The following ZNF385D variants were observed in gnomAD, a reference collection of about 807,000 sequenced individuals.
ZNF385D encodes zinc finger protein 385D, also known as zinc finger protein 659.
Under a neutral mutation model 35.8 loss-of-function variants are expected in ZNF385D, and 15 were observed. That is an observed-to-expected ratio of 0.42 (90% confidence interval 0.28 to 0.64). The LOEUF is 0.64. ZNF385D is among the 30% of genes least tolerant of loss of function. ZNF385D has a pLI of 0.23. For missense variants in ZNF385D, 474 were observed against 494.6 expected (o/e 0.96, Z 0.39); for synonymous variants, 212 against 186.8 (o/e 1.13, Z -1.10).
intron 2 of ZNF385D, among the ~76,000 whole-genome samples, chr3:22,314,600 G>A (rs894363196): frequency 2.3e-4 from 35 of 152,076 alleles, no homozygotes; most frequent in African/African-American, 3.6e-4. Context: ...ATTGTTTCAC[G>A]TAGGGTTGAG....
At chr3:21,785,417 T>A (rs3106458) in intron 3 of ZNF385D, among the ~76,000 whole-genome samples, 79,085 of 151,812 alleles carry the variant, frequency 0.52, 21,165 homozygotes, top group Middle Eastern at 0.6. Context: ...CACTTAAGAA[T>A]GTTCTCACCA....
At chr3:21,470,035 T>TA (rs1703786570) in intron 4 of ZNF385D, among the ~76,000 whole-genome samples, 1 of 152,244 alleles carries the variant, frequency 6.6e-6, no homozygotes, top group Non-Finnish European at 1.5e-5. Context: ...TAAGTATAGC[T>TA]ACTTTTCTCT....
At chr3:22,284,347 C>A (rs1358200926) in intron 2 of ZNF385D, among the ~76,000 whole-genome samples, 1 of 152,030 alleles carries the variant, frequency 6.6e-6, no homozygotes, top group Admixed American at 6.6e-5. Flanking sequence ...TGCCACCACA[C>A]CCGGCTATTC....
chr3:21,901,745 T>G (rs1699424423), intron 3 of ZNF385D, among the ~76,000 whole-genome samples: 1 of 152,144 alleles, frequency 6.6e-6, no homozygotes, highest in Admixed American at 6.6e-5. Flanking sequence ...AACAAGCAAC[T>G]TTGAAGAAAG....
chr3:21,988,877 C>T (rs1203912061), intron 3 of ZNF385D, among the ~76,000 whole-genome samples: 3 of 152,176 alleles, frequency 2.0e-5, no homozygotes, highest in Admixed American at 1.3e-4. Context: ...CGTGGTGCGC[C>T]GTTTTTTAAG....
chr3:21,852,516 G>A (rs1250491648), intron 3 of ZNF385D, among the ~76,000 whole-genome samples: 4 of 151,830 alleles, frequency 2.6e-5, no homozygotes, highest in African/African-American at 9.7e-5. Context: ...GGAACACGAT[G>A]AATATCATGC....
At chr3:22,180,011 A>G (rs1456140151) in intron 2 of ZNF385D, among the ~76,000 whole-genome samples, 5 of 152,226 alleles carry the variant, frequency 3.3e-5, no homozygotes, top group African/African-American at 7.2e-5. Flanking sequence ...GGTTTTTTGA[A>G]AAGATCAACA....
At chr3:22,269,571 A>G (rs1701069255) in intron 2 of ZNF385D, among the ~76,000 whole-genome samples, 1 of 152,010 alleles carries the variant, frequency 6.6e-6, no homozygotes, top group South Asian at 2.1e-4. Context: ...AGGAGAGAGC[A>G]CTGGCAGTTT....
At chr3:22,105,596 C>T (rs956211155) in intron 3 of ZNF385D, among the ~76,000 whole-genome samples, 1 of 152,042 alleles carries the variant, frequency 6.6e-6, no homozygotes, top group African/African-American at 2.4e-5. Context: ...TGGTGTAGAT[C>T]ACAGTTCAGG....
intron 2 of ZNF385D, among the ~76,000 whole-genome samples, chr3:22,223,603 TAATA>T (rs1698388140): frequency 1.3e-5 from 2 of 152,140 alleles, no homozygotes; most frequent in South Asian, 2.1e-4. Context: ...TATTTAACAA[TAATA>T]AATAGTGTTA....
rs147960771 is a variant in ZNF385D at position 21,820,584 on chromosome 3, A to G, written c.326-155556T>C. Among the ~76,000 whole-genome samples, 677 of 151,862 alleles carry G rather than the reference A, an allele frequency of 4.5e-3. 5 individuals are homozygous for G. The highest frequency in any genetic ancestry group is 0.016 in the African/African-American group (653 of 41,576). On this transcript the variant is annotated intron_variant, in intron 3 of 5. Coordinates refer to the ZNF385D transcript ENST00000494108. ...TATGAATAGAAAAATAGAATAAATC[A>G]AAATGTTCCAAACTAGGCATAATAA...
At chr3:22,067,465 A>G (rs4508805) in intron 3 of ZNF385D, among the ~76,000 whole-genome samples, 14,874 of 152,230 alleles carry the variant, frequency 0.098, 910 homozygotes, top group African/African-American at 0.18. Flanking sequence ...TTTGTATAAT[A>G]TAGTTTCTGA....
rs552265151 is a variant in ZNF385D at position 22,181,113 on chromosome 3, A to G, written c.107-12078T>C. The stretch of plus-strand genomic sequence containing the variant: ...TATATTATCTGCAACCAGTTTTTCC[A>G]TAACAATTCTTATAAATGTCATAAT... On this transcript the variant is annotated intron_variant, in intron 2 of 5. Coordinates refer to the ZNF385D transcript ENST00000494108. Among the ~76,000 whole-genome samples, 215 of 152,016 alleles carry G rather than the reference A, an allele frequency of 1.4e-3. 7 individuals are homozygous for G. In the South Asian group the frequency reaches 0.043, roughly 30 times the overall value.
intron 2 of ZNF385D, among the ~76,000 whole-genome samples, chr3:22,298,781 A>C (rs1405614284): frequency 6.6e-6 from 1 of 151,506 alleles, no homozygotes; most frequent in Non-Finnish European, 1.5e-5. Context: ...ATGATAAAAA[A>C]CACTCTTAGA....
At chr3:22,251,792 G>C (rs941309138) in intron 2 of ZNF385D, among the ~76,000 whole-genome samples, 2 of 152,000 alleles carry the variant, frequency 1.3e-5, no homozygotes, top group African/African-American at 4.8e-5. Context: ...CAGAGTTTGA[G>C]CTTGGGATCT....
At chr3:21,992,058 G>A (rs1695183210) in intron 3 of ZNF385D, among the ~76,000 whole-genome samples, 1 of 152,168 alleles carries the variant, frequency 6.6e-6, no homozygotes, top group Admixed American at 6.5e-5. Context: ...CCTGCCTTAT[G>A]TAGTTGCTGT....
At chr3:21,744,829 C>T (rs1024779906) in intron 1 of ZNF385D, among the ~76,000 whole-genome samples, 1 of 150,670 alleles carries the variant, frequency 6.6e-6, no homozygotes, top group African/African-American at 2.4e-5. Context: ...ATGGCCTTGT[C>T]CTTACTAGGA....
chr3:21,498,616 T>C (rs949733671), intron 4 of ZNF385D, among the ~76,000 whole-genome samples: 1 of 151,964 alleles, frequency 6.6e-6, no homozygotes. Context: ...TCAACATCAC[T>C]AATCATTATA....
At chr3:22,117,308 T>C (rs1014644794) in intron 3 of ZNF385D, among the ~76,000 whole-genome samples, 1 of 152,096 alleles carries the variant, frequency 6.6e-6, no homozygotes, top group Non-Finnish European at 1.5e-5. Context: ...CTTCTTAATG[T>C]TCCTTCCAAG....
Sources: allele counts gnomAD v4.1 joint callset (sites outside exome capture counted in the v4.1 genomes callset), GRCh38; gene constraint gnomAD v4.1.1; transcripts MANE v1.5; gene names NCBI Gene and HGNC (gene_info 2026-07-23, HGNC 2026-07-21).